MTUS2: variants seen among roughly 807,000 people sequenced by gnomAD.
MTUS2 encodes microtubule associated scaffold protein 2, also known as microtubule-associated tumor suppressor candidate 2.
MTUS2 carries 40 observed loss-of-function variants against 114.1 expected under a neutral mutation model. The ratio of observed to expected loss-of-function variants is 0.35; its 90% CI spans 0.27 to 0.46. The LOEUF (loss-of-function observed/expected upper bound fraction) is 0.46, where lower values mean the gene tolerates loss of function less well. Ranked by LOEUF, MTUS2 falls within the 20% of genes least tolerant of loss-of-function variation. The pLI, the probability that MTUS2 is intolerant of heterozygous loss-of-function variation, is 1.00. For synonymous variants in MTUS2, 688 were observed against 672.0 expected, an observed-to-expected ratio of 1.02 and a Z score of -0.37; for missense variants, 1,679 against 1,705.4, an observed-to-expected ratio of 0.98 and a Z score of 0.27.
chr13:29,440,188 G>C (rs1877726995), intron 9 of MTUS2, 139 bp downstream of exon 9: 1 of 789,886 alleles, frequency 1.3e-6, no homozygotes, highest in Admixed American at 2.7e-5. Flanking sequence ...ACCCAGCACA[G>C]TGGTGGGCTG....
intron 4 of MTUS2, among the ~76,000 whole-genome samples, chr13:29,089,264 G>T (rs1889833054): frequency 6.6e-6 from 1 of 152,100 alleles, no homozygotes; most frequent in African/African-American, 2.4e-5. Flanking sequence ...TTTCTTTAAG[G>T]ATGCTAAATA....
intron 8 of MTUS2, among the ~76,000 whole-genome samples, chr13:29,410,291 A>G (rs1315340381): frequency 6.6e-6 from 1 of 151,732 alleles, no homozygotes; most frequent in African/African-American, 2.4e-5. Flanking sequence ...TGACCGACTA[A>G]TTTTTTTGTA....
At chr13:29,464,184 G>A (rs1879726954) in intron 9 of MTUS2, among the ~76,000 whole-genome samples, 1 of 152,212 alleles carries the variant, frequency 6.6e-6, no homozygotes, top group Non-Finnish European at 1.5e-5. Flanking sequence ...GGTGTGGAGA[G>A]GACGGCTGTG....
chr13:29,334,198 C>T (rs1900937025), intron 7 of MTUS2, among the ~76,000 whole-genome samples: 1 of 151,976 alleles, frequency 6.6e-6, no homozygotes, highest in Non-Finnish European at 1.5e-5. Context: ...GCATTTAGCC[C>T]GTTTACATTT....
chr13:29,078,579 G>A (rs1889301487), intron 4 of MTUS2, among the ~76,000 whole-genome samples: 1 of 152,158 alleles, frequency 6.6e-6, no homozygotes, highest in South Asian at 2.1e-4. Flanking sequence ...AAATATCACT[G>A]CAATTTTATA....
intron 4 of MTUS2, among the ~76,000 whole-genome samples, chr13:29,085,362 A>G (rs1023685882): frequency 2.6e-5 from 4 of 152,170 alleles, no homozygotes; most frequent in Admixed American, 2.0e-4. Flanking sequence ...CTGAAGTTTG[A>G]TGTACAAATA....
chr13:29,343,866 G>A (rs1566143262), intron 7 of MTUS2, among the ~76,000 whole-genome samples: 1 of 151,966 alleles, frequency 6.6e-6, no homozygotes, highest in Non-Finnish European at 1.5e-5. Context: ...GTTATCATTT[G>A]GTTCAAAGAA....
chr13:28,942,411 TGTTA>T (rs1474307548), intron 2 of MTUS2, among the ~76,000 whole-genome samples: 7 of 152,372 alleles, frequency 4.6e-5, no homozygotes, highest in East Asian at 3.9e-4. Context: ...TTTGTAAAGC[TGTTA>T]GTTAAATATT....
At chr13:28,843,012 T>G (rs1395732529) in intron 2 of MTUS2, among the ~76,000 whole-genome samples, 1 of 152,210 alleles carries the variant, frequency 6.6e-6, no homozygotes, top group Admixed American at 6.5e-5. Context: ...GCCACTAGGC[T>G]TTCCAGTCTC....
At chr13:29,416,468 A>C (rs1453178054) in intron 8 of MTUS2, among the ~76,000 whole-genome samples, 2 of 151,030 alleles carry the variant, frequency 1.3e-5, no homozygotes, top group Non-Finnish European at 2.9e-5. Context: ...TATATAGCAC[A>C]TATTATGTAT....
intron 8 of MTUS2, among the ~76,000 whole-genome samples, chr13:29,372,561 A>G (rs1158597941): frequency 2.6e-5 from 4 of 152,186 alleles, no homozygotes; most frequent in Non-Finnish European, 5.9e-5. Context: ...AACATCCACC[A>G]TGCCCAGATA....
intron 2 of MTUS2, among the ~76,000 whole-genome samples, chr13:28,890,007 C>T (rs140975215): frequency 6.6e-6 from 1 of 152,124 alleles, no homozygotes; most frequent in Non-Finnish European, 1.5e-5. Context: ...TTTTGGAGGG[C>T]ATAGCAAGAA....
At chr13:29,433,644 C>A (rs1237510484) in intron 8 of MTUS2, among the ~76,000 whole-genome samples, 2 of 152,150 alleles carry the variant, frequency 1.3e-5, no homozygotes, top group Non-Finnish European at 2.9e-5. Flanking sequence ...GCGATAGCCA[C>A]AAAAGGTGGT....
At chr13:29,246,619 C>A (rs2992399) in intron 5 of MTUS2, among the ~76,000 whole-genome samples, 2,765 of 152,268 alleles carry the variant, frequency 0.018, 86 homozygotes, top group African/African-American at 0.064. Flanking sequence ...AGATGTAGTT[C>A]ATTAGGAATA....
Position 29,084,965 on chromosome 13 carries a change from G to T in MTUS2, c.2447-15808G>T, listed in dbSNP as rs1411335868. 2.0e-5 allele frequency among the ~76,000 whole-genome samples: 3 copies of T among 152,212 alleles called. No homozygotes were observed. The South Asian group carries it at 6.2e-4, about 32-fold the overall frequency. ...CCTAATGTTGGAGGTGGGGCTAATGGTGTTGGATCATGTGGGTGGATCCCT... is the reference window on the plus strand; with the variant it reads ...CCTAATGTTGGAGGTGGGGCTAATGTTGTTGGATCATGTGGGTGGATCCCT... On this transcript the variant is annotated intron_variant, in intron 4 of 15. Coordinates refer to ENST00000612955, the MANE Select transcript of MTUS2 (RefSeq NM_001033602.4).
chr13:29,248,011 A>T (rs1896988486), intron 5 of MTUS2, among the ~76,000 whole-genome samples: 1 of 152,264 alleles, frequency 6.6e-6, no homozygotes, highest in Admixed American at 6.5e-5. Flanking sequence ...AATGTCCATC[A>T]GTCAACAAGT....
In MTUS2 at chr13:29,133,808, ATTTG is replaced by A. The variant is rs561200097; in HGVS notation, c.2644+32841_2644+32844del. On this transcript the variant is annotated intron_variant, in intron 5 of 15. Transcript: ENST00000612955. ...GTCTCCTCCAGCTAAATGTTAGTCA[ATTTG>A]TTGATCTTTACAAAGAAACAGCTTT... Among the ~76,000 whole-genome samples the A allele has an allele frequency of 9.8e-4, 149 of 152,270 alleles. 1 individual carries two copies. The highest frequency in any genetic ancestry group is 2.6e-3 in the African/African-American group (109 of 41,552).
intron 5 of MTUS2, among the ~76,000 whole-genome samples, chr13:29,232,048 G>A (rs1896343979): frequency 6.6e-6 from 1 of 152,134 alleles, no homozygotes; most frequent in Admixed American, 6.6e-5. Flanking sequence ...TTTGGCCTAA[G>A]AGTTGTATAG....
At chr13:29,004,360 C>T (rs530408060) in intron 2 of MTUS2, among the ~76,000 whole-genome samples, 2 of 151,606 alleles carry the variant, frequency 1.3e-5, no homozygotes, top group East Asian at 3.9e-4. Flanking sequence ...AAGTCTTGTC[C>T]TACAGCATTC....
Sources: gnomAD v4.1 joint callset for allele counts (sites outside exome capture counted in the v4.1 genomes callset) on GRCh38, gnomAD v4.1.1 for gene constraint, MANE v1.5 for transcripts, NCBI Gene and HGNC (gene_info 2026-07-23, HGNC 2026-07-21) for gene names.